The following SLC27A1 variants were observed in gnomAD, a reference collection of about 807,000 sequenced individuals.
SLC27A1 encodes solute carrier family 27 member 1, also known as long-chain fatty acid transport protein 1.
SLC27A1 carries 61 observed loss-of-function variants against 62.2 expected under a neutral mutation model. The observed-to-expected ratio is 0.98, with a 90% confidence interval of 0.80 to 1.21. SLC27A1 has a LOEUF of 1.21. SLC27A1 is among the 50% of genes most tolerant of loss of function. SLC27A1 has a pLI of 0.00. For synonymous variants in SLC27A1, 435 were observed against 408.6 expected (o/e 1.06, Z -0.78); for missense variants, 903 against 932.1 (o/e 0.97, Z 0.41).
At chr19:17,477,243 T>TTTTTTG (rs2075133057) in intron 1 of SLC27A1, among the ~76,000 whole-genome samples, 1 of 68,946 alleles carries the variant, frequency 1.5e-5, no homozygotes, top group Non-Finnish European at 4.1e-5. Context: ...AGCAGCGCTT[T>TTTTTTG]TTTTTTTTTT....
At chr19:17,502,577 C>T (rs1348486138) in intron 11 of SLC27A1, among the ~76,000 whole-genome samples, 1 of 151,750 alleles carries the variant, frequency 6.6e-6, no homozygotes, top group African/African-American at 2.4e-5. Context: ...TGGTCTTGAA[C>T]TCCTGACCTC....
chr19:17,473,532 T>A (rs909271162), intron 1 of SLC27A1, among the ~76,000 whole-genome samples: 1 of 152,180 alleles, frequency 6.6e-6, no homozygotes, highest in African/African-American at 2.4e-5. Context: ...CTCTGGTTGG[T>A]CCTTATTTTC....
intron 1 of SLC27A1, among the ~76,000 whole-genome samples, chr19:17,483,637 C>T (rs1054635826): frequency 3.9e-5 from 6 of 152,060 alleles, no homozygotes; most frequent in South Asian, 4.1e-4. Context: ...CAACAGACCC[C>T]GGCACCCTCC....
At chr19:17,471,387 C>A (rs191964363) in intron 1 of SLC27A1, among the ~76,000 whole-genome samples, 1 of 151,800 alleles carries the variant, frequency 6.6e-6, no homozygotes, top group Non-Finnish European at 1.5e-5. Flanking sequence ...TATTCCAGGA[C>A]TTGTTTGGGG....
intron 6 of SLC27A1, among the ~76,000 whole-genome samples, chr19:17,492,104 A>G (rs1439951723): frequency 2.6e-5 from 4 of 152,144 alleles, no homozygotes; most frequent in Non-Finnish European, 5.9e-5. Flanking sequence ...CCTGCACCAG[A>G]TGCCAGTAGC....
upstream of SLC27A1, chr19:17,470,462 G>GGGGGCGGTCGT: frequency 7.1e-7 from 1 of 1,400,116 alleles, no homozygotes; most frequent in Non-Finnish European, 9.2e-7. Flanking sequence ...CTGTAGAGGC[G>GGGGGCGGTCGT]GGGGCGGTCG....
At chr19:17,488,110 A>C (rs2075256252) in intron 4 of SLC27A1, among the ~76,000 whole-genome samples, 1 of 152,108 alleles carries the variant, frequency 6.6e-6, no homozygotes, top group Non-Finnish European at 1.5e-5. Flanking sequence ...TGTAACCCCA[A>C]CACTTTGGGA....
intron 4 of SLC27A1, 108 bp downstream of exon 4, chr19:17,487,637 G>C: frequency 1.8e-6 from 2 of 1,098,930 alleles, no homozygotes; most frequent in Non-Finnish European, 2.7e-6. Context: ...GTTACCCTGG[G>C]GACAGAGAGG....
At chr19:17,484,815 G>A (rs560935941) in intron 1 of SLC27A1, among the ~76,000 whole-genome samples, 4 of 152,296 alleles carry the variant, frequency 2.6e-5, no homozygotes, top group African/African-American at 9.6e-5. Flanking sequence ...GGGGGTGTGA[G>A]CAGCCATTGC....
In SLC27A1 at chr19:17,504,583, C is replaced by A; in HGVS notation, c.1912C>A (p.Arg638Ser). Residue 638 changes from arginine (R) to serine (S), a missense_variant, in exon 12 of 12, where the codon CGC (arginine) becomes AGC (serine). By Grantham distance (110) the Arg-to-Ser change is moderately radical. Transcript: ENST00000252595. ...GCCCTTAAATGAGGCAGTCTACACT[C>A]GCATCTGCTCGGGCGCCTTCGCCCT... Reference protein sequence around the residue: ...YLPLNEAVYTRICSGAFAL With the variant: ...YLPLNEAVYTSICSGAFAL 1 of 1,614,158 alleles carries A rather than the reference C, an allele frequency of 6.2e-7. No individual in the cohort carries two copies. Among genetic ancestry groups the A allele is most frequent in the Non-Finnish European group, 8.5e-7 (1 of 1,180,038 alleles).
chr19:17,489,309 T>G (rs1223731474), intron 6 of SLC27A1, among the ~76,000 whole-genome samples, 192 bp downstream of exon 6: 2 of 152,080 alleles, frequency 1.3e-5, no homozygotes, highest in Non-Finnish European at 2.9e-5. Context: ...AACTCCCTTA[T>G]GTGCGCCCTC....
intron 1 of SLC27A1, among the ~76,000 whole-genome samples, chr19:17,476,867 CTG>C (rs1295952629): frequency 6.8e-6 from 1 of 147,272 alleles, no homozygotes; most frequent in Non-Finnish European, 1.5e-5. Context: ...TTAATAAACA[CTG>C]AGAATGATCA....
At chr19:17,497,140 C>T in intron 6 of SLC27A1, 115 bp from the exon 7 acceptor site, 1 of 726,288 alleles carries the variant, frequency 1.4e-6, no homozygotes, top group East Asian at 3.2e-5. Context: ...CATCCTTAGG[C>T]TGTTCCGCTC....
intron 1 of SLC27A1, among the ~76,000 whole-genome samples, chr19:17,477,933 C>CT (rs369016083): frequency 2.0e-5 from 3 of 151,036 alleles, no homozygotes; most frequent in African/African-American, 7.4e-5. Context: ...AGGCTGGCCT[C>CT]GAACTCCTGG....
intron 4 of SLC27A1, among the ~76,000 whole-genome samples, chr19:17,488,251 C>T (rs926241627): frequency 1.3e-5 from 2 of 152,146 alleles, no homozygotes; most frequent in African/African-American, 2.4e-5. Flanking sequence ...CCCAGCTACT[C>T]GGGAGGCTGA....
chr19:17,501,374 G>T lies in SLC27A1; in HGVS notation c.1738G>T (p.Ala580Ser). The T allele has an allele frequency of 6.2e-7, 1 of 1,613,868 alleles. No individual in the cohort carries two copies. Among genetic ancestry groups the T allele is most frequent in the South Asian group, 1.1e-5 (1 of 91,082 alleles). The change falls in exon 11 of 12, where the codon GCC becomes TCC. Residue 580 changes from alanine (A) to serine (S), a missense_variant. Ala to Ser is a moderately conservative substitution (Grantham distance 99). Transcript: ENST00000252595. ...GCTGCAGAAGGTGCTGGCACCCTAT[G>T]CCCGGCCCATCTTCCTGCGCCTCCT... ...QELQKVLAPY[A>S]RPIFLRLLPQ...
At position 17,497,370 on chromosome 19, in the gene SLC27A1, G is replaced by C; in HGVS notation, c.1112G>C (p.Trp371Ser). ...AVGNGLRPAIWEEFTERFGVR... is the reference protein window; with the variant it reads ...AVGNGLRPAISEEFTERFGVR... ...GGGAACGGGCTGCGTCCTGCCATCT[G>C]GGAGGAGTTCACGGAGCGCTTCGGC... The change falls in exon 7 of 12, where the codon TGG (tryptophan) becomes TCG (serine). Residue 371 changes from tryptophan to serine, a missense_variant. Trp to Ser is a radical substitution (Grantham distance 177, BLOSUM62 -3). Coordinates refer to ENST00000252595, the MANE Select transcript of SLC27A1 (RefSeq NM_198580.3). The C allele has an allele frequency of 6.2e-7, 1 of 1,603,858 alleles. No individual in the cohort carries two copies.
intron 6 of SLC27A1, among the ~76,000 whole-genome samples, chr19:17,494,358 C>T (rs1039528477): frequency 1.3e-5 from 2 of 149,298 alleles, no homozygotes; most frequent in African/African-American, 2.5e-5. Flanking sequence ...GACGGAGTCT[C>T]ACTCTGTTGC....
chr19:17,479,719 C>T (rs972656906), intron 1 of SLC27A1, among the ~76,000 whole-genome samples: 18 of 152,148 alleles, frequency 1.2e-4, no homozygotes, highest in Non-Finnish European at 2.6e-4. Flanking sequence ...TCTAGGCTCG[C>T]TGCAACCTCT....
Sources: allele counts gnomAD v4.1 joint callset (sites outside exome capture counted in the v4.1 genomes callset), GRCh38; gene constraint gnomAD v4.1.1; transcripts MANE v1.5; gene names NCBI Gene and HGNC (gene_info 2026-07-23, HGNC 2026-07-21).